Variants in CSMD1 observed in about 807,000 individuals in gnomAD.
CSMD1 encodes CUB and Sushi multiple domains 1, also known as CUB and sushi domain-containing protein 1.
CSMD1 carries 213 observed loss-of-function variants against 417.5 expected under a neutral mutation model. The observed-to-expected ratio is 0.51, with a 90% CI of 0.46 to 0.57. CSMD1 has a LOEUF of 0.57. CSMD1 is among the 20% of genes least tolerant of loss of function. The pLI, the probability that CSMD1 is intolerant of heterozygous loss-of-function variation, is 0.00. For missense variants in CSMD1, 6,923 were observed against 4,529.7 expected (o/e 1.53, Z -15.17); for synonymous variants, 2,862 against 1,736.8 (o/e 1.65, Z -16.11).
intron 37 of CSMD1, among the ~76,000 whole-genome samples, chr8:3,162,516 A>G (rs1413114836): frequency 5.3e-5 from 8 of 152,180 alleles, no homozygotes; most frequent in African/African-American, 9.7e-5. Flanking sequence ...TTTGATTTCA[A>G]TAACAAAATT....
At chr8:4,275,204 T>G (rs898439931) in intron 3 of CSMD1, among the ~76,000 whole-genome samples, 1 of 152,132 alleles carries the variant, frequency 6.6e-6, no homozygotes, top group South Asian at 2.1e-4. Context: ...TTAAGATAAA[T>G]TATTGTCTAG....
chr8:4,831,063 A>G (rs904921894), intron 1 of CSMD1, among the ~76,000 whole-genome samples: 2 of 152,202 alleles, frequency 1.3e-5, no homozygotes, highest in African/African-American at 4.8e-5. Context: ...AACTCCAACC[A>G]TGCGAACTCA....
chr8:4,200,432 A>G (rs1018550548), intron 3 of CSMD1, among the ~76,000 whole-genome samples: 1 of 152,164 alleles, frequency 6.6e-6, no homozygotes, highest in Non-Finnish European at 1.5e-5. Flanking sequence ...GAATAACCCC[A>G]CAGCCGTCTA....
chr8:3,839,435 ATAT>A (rs1205466365), intron 5 of CSMD1, among the ~76,000 whole-genome samples: 4 of 122,064 alleles, frequency 3.3e-5, no homozygotes, highest in African/African-American at 6.6e-5. Context: ...TAATAAATTA[ATAT>A]TATATATTAT....
At chr8:4,966,491 C>T (rs747732573) in intron 1 of CSMD1, among the ~76,000 whole-genome samples, 3 of 152,150 alleles carry the variant, frequency 2.0e-5, no homozygotes, top group Admixed American at 2.0e-4. Flanking sequence ...TGGGACACAT[C>T]GCGAGGCCCT....
intron 1 of CSMD1, among the ~76,000 whole-genome samples, chr8:4,983,328 TA>T (rs948414048): frequency 1.3e-5 from 2 of 152,300 alleles, no homozygotes; most frequent in Admixed American, 6.5e-5. Context: ...TTGAACTCAC[TA>T]AAAATAATGG....
intron 1 of CSMD1, among the ~76,000 whole-genome samples, chr8:4,873,786 G>A (rs1382386520): frequency 1.3e-5 from 2 of 152,076 alleles, no homozygotes; most frequent in Non-Finnish European, 1.5e-5. Flanking sequence ...CACTGTGTTT[G>A]AAGCTGGAAT....
chr8:3,659,899 G>C (rs58059955), intron 7 of CSMD1, among the ~76,000 whole-genome samples: 1 of 152,146 alleles, frequency 6.6e-6, no homozygotes. Context: ...CTATGAAGAT[G>C]AAATTTCCAA....
chr8:4,481,647 G>A (rs531224860), intron 2 of CSMD1, among the ~76,000 whole-genome samples: 2 of 152,216 alleles, frequency 1.3e-5, no homozygotes, highest in East Asian at 3.9e-4. Context: ...GCACCAAGAG[G>A]TTAAATACCT....
At chr8:3,697,036 T>C (rs947239161) in intron 7 of CSMD1, among the ~76,000 whole-genome samples, 5 of 152,144 alleles carry the variant, frequency 3.3e-5, no homozygotes, top group African/African-American at 1.2e-4. Flanking sequence ...ACATTCCTCT[T>C]CCATTGAGGG....
chr8:4,193,142 T>C (rs1048781547), intron 3 of CSMD1, among the ~76,000 whole-genome samples: 2 of 152,162 alleles, frequency 1.3e-5, no homozygotes, highest in Non-Finnish European at 2.9e-5. Context: ...AAGACATCTG[T>C]AAAAGATAAG....
chr8:3,564,027 G>C (rs180916003), intron 10 of CSMD1, among the ~76,000 whole-genome samples: 4 of 152,180 alleles, frequency 2.6e-5, no homozygotes, highest in Admixed American at 1.3e-4. Context: ...ATTTTGATTT[G>C]TAGTTGTATA....
chr8:3,575,138 G>C, intron 9 of CSMD1, 72 bp from the exon 10 acceptor site: 1 of 1,460,334 alleles, frequency 6.8e-7, no homozygotes, highest in Non-Finnish European at 9.2e-7. Context: ...ACATTTATGG[G>C]AAATTTCAAG....
At position 3,284,234 on chromosome 8, in the gene CSMD1, C is replaced by T. The variant is rs764768178; in HGVS notation, c.4063G>A (p.Glu1355Lys). ...GAGTTGAAGGTGCTGTGGATGTCCT[C>T]CGGAAGGGCGGAGCCACTCCACTCC... ...LKEWSGSALPEDIHSTFNSLT... is the reference protein window; with the variant it reads ...LKEWSGSALPKDIHSTFNSLT... The change falls in exon 26 of 70, where the codon GAG becomes AAG. Residue 1355 changes from glutamate (E) to lysine (K), a missense_variant. Coordinates refer to ENST00000635120, the MANE Select transcript of CSMD1 (RefSeq NM_033225.6). 140 of 1,613,254 alleles carry T rather than the reference C, an allele frequency of 8.7e-5. No individual in the cohort carries two copies. Among genetic ancestry groups the T allele is most frequent in the Non-Finnish European group, 1.1e-4 (134 of 1,179,688 alleles).
chr8:3,448,117 G>T (rs911734333), intron 12 of CSMD1, among the ~76,000 whole-genome samples: 2 of 151,316 alleles, frequency 1.3e-5, no homozygotes, highest in African/African-American at 4.9e-5. Flanking sequence ...GAGAATATTA[G>T]CATGATGCTG....
At chr8:4,263,226 G>A (rs1369375823) in intron 3 of CSMD1, among the ~76,000 whole-genome samples, 1 of 152,108 alleles carries the variant, frequency 6.6e-6, no homozygotes, top group Non-Finnish European at 1.5e-5. Context: ...AGGCTAGGCT[G>A]TTGGGTAATG....
At chr8:4,059,623 C>G (rs539697758) in intron 3 of CSMD1, among the ~76,000 whole-genome samples, 2 of 152,018 alleles carry the variant, frequency 1.3e-5, no homozygotes, top group Non-Finnish European at 1.5e-5. Context: ...CACCACCGAT[C>G]CCACAGAAAT....
intron 5 of CSMD1, among the ~76,000 whole-genome samples, chr8:3,790,657 T>C (rs987831050): frequency 2.6e-5 from 4 of 152,178 alleles, no homozygotes; most frequent in Non-Finnish European, 4.4e-5. Context: ...AGCTGGGATT[T>C]TGTTGTTGTT....
At chr8:3,372,794 G>C (rs963145558) in intron 18 of CSMD1, among the ~76,000 whole-genome samples, 1 of 152,150 alleles carries the variant, frequency 6.6e-6, no homozygotes, top group African/African-American at 2.4e-5. Flanking sequence ...CCATGGAAGA[G>C]GGTTGAGCAA....
Sources: gnomAD v4.1 joint callset for allele counts (sites outside exome capture counted in the v4.1 genomes callset) on GRCh38, gnomAD v4.1.1 for gene constraint, MANE v1.5 for transcripts, NCBI Gene and HGNC (gene_info 2026-07-23, HGNC 2026-07-21) for gene names.